SLIT2: variants seen among roughly 807,000 people sequenced by gnomAD.
The protein encoded by SLIT2 is slit guidance ligand 2, also known as slit homolog 2 protein.
Under a neutral mutation model 185.7 loss-of-function variants are expected in SLIT2, and 41 were observed. That is an observed-to-expected ratio of 0.22 (90% CI 0.17 to 0.29). SLIT2 has a LOEUF of 0.29. Ranked by LOEUF, SLIT2 falls within the 10% of genes least tolerant of loss-of-function variation. The probability of loss-of-function intolerance (pLI) is 1.00; values close to 1 mark genes in which losing one functional copy is unlikely to be tolerated. For missense variants in SLIT2, 1,571 were observed against 1,909.0 expected (o/e 0.82, Z 3.30); for synonymous variants, 693 against 680.2 (o/e 1.02, Z -0.29).
At chr4:20,389,944 C>T (rs1488815360) in intron 4 of SLIT2, among the ~76,000 whole-genome samples, 1 of 152,078 alleles carries the variant, frequency 6.6e-6, no homozygotes, top group Non-Finnish European at 1.5e-5. Context: ...TAAATACTCT[C>T]CTTGCTTACA....
chr4:20,489,901 A>G (rs1030335356), intron 8 of SLIT2: 1 of 152,196 alleles, frequency 6.6e-6, no homozygotes, highest in Non-Finnish European at 1.5e-5. Context: ...ATCCTGGGTA[A>G]CATGGTGAAA....
At chr4:20,411,634 A>G (rs916240399) in intron 4 of SLIT2, among the ~76,000 whole-genome samples, 1 of 152,200 alleles carries the variant, frequency 6.6e-6, no homozygotes, top group African/African-American at 2.4e-5. Context: ...GGTCACTTAC[A>G]TATTAGTCTG....
At chr4:20,578,640 A>T (rs1726266980) in intron 29 of SLIT2, among the ~76,000 whole-genome samples, 1 of 152,178 alleles carries the variant, frequency 6.6e-6, no homozygotes, top group Non-Finnish European at 1.5e-5. Flanking sequence ...TTTCAAAGAG[A>T]GAAGAAGCTA....
intron 7 of SLIT2, among the ~76,000 whole-genome samples, chr4:20,487,422 A>C (rs1166162789): frequency 6.6e-6 from 1 of 152,210 alleles, no homozygotes; most frequent in Admixed American, 6.5e-5. Flanking sequence ...AACAAAGCCA[A>C]TGAAATTGTA....
At chr4:20,376,028 A>AT (rs2109329867) in intron 4 of SLIT2, among the ~76,000 whole-genome samples, 1 of 151,732 alleles carries the variant, frequency 6.6e-6, no homozygotes, top group African/African-American at 2.4e-5. Flanking sequence ...CAATAGACCC[A>AT]TTATATGTTA....
chr4:20,564,098 G>A (rs1302370689), intron 26 of SLIT2, among the ~76,000 whole-genome samples: 1 of 151,652 alleles, frequency 6.6e-6, no homozygotes, highest in Non-Finnish European at 1.5e-5. Context: ...ACTTTATTTG[G>A]CATCTCTTTT....
At position 20,488,996 on chromosome 4, in the gene SLIT2, A is replaced by G; in HGVS notation, c.775+14A>G. The G allele has an allele frequency of 1.3e-6, 2 of 1,598,710 alleles. No homozygotes were observed. Among genetic ancestry groups the G allele is most frequent in the Non-Finnish European group, 1.7e-6 (2 of 1,168,596 alleles). On this transcript the variant is annotated intron_variant, in intron 8 of 36. Coordinates refer to ENST00000504154, the MANE Select transcript of SLIT2 (RefSeq NM_004787.4). ...TTGTCTGCAGTGGTAAGGGAGAAGG[A>G]AGAGTGATGTTATTGTGTTTATTGT... is the stretch of plus-strand genomic sequence containing the variant.
chr4:20,539,541 G>A lies in SLIT2; in HGVS notation c.1933G>A (p.Val645Ile). 6.2e-7 allele frequency: 1 copy of A among 1,612,812 alleles called. No homozygotes were observed. Among genetic ancestry groups the A allele is most frequent in the Non-Finnish European group, 8.5e-7 (1 of 1,179,048 alleles). ...LSLYDNQITTVAPGAFDTLHS... is the reference protein window; with the variant it reads ...LSLYDNQITTIAPGAFDTLHS... ...TTTGTATGATAATCAAATTACTACA[G>A]TTGCACCAGGGGCATTTGATACTCT... The change falls in exon 19 of 37, where the codon GTT (valine) becomes ATT (isoleucine). Residue 645 changes from valine (V) to isoleucine (I), a missense_variant. Physicochemically the swap from Val to Ile is conservative, Grantham distance 29 (BLOSUM62 3). Transcript: ENST00000504154.
At position 20,553,987 on chromosome 4, in the gene SLIT2, T is replaced by C; in HGVS notation, c.2725+19T>C. The C allele has an allele frequency of 6.4e-7, 1 of 1,552,760 alleles. No homozygotes were observed. Among genetic ancestry groups the C allele is most frequent in the Non-Finnish European group, 8.7e-7 (1 of 1,152,676 alleles). On this transcript the variant is annotated intron_variant, in intron 26 of 36. Coordinates refer to ENST00000504154, the MANE Select transcript of SLIT2 (RefSeq NM_004787.4). ...TGTCAAGGTATGGTTTTTAATCATT[T>C]GTATTTCTTTTAAGAATTACTATAT...
chr4:20,279,945 A>G (rs1472420968), intron 4 of SLIT2, among the ~76,000 whole-genome samples: 3 of 152,156 alleles, frequency 2.0e-5, no homozygotes, highest in Admixed American at 2.0e-4. Flanking sequence ...TTTTGATGAA[A>G]TAGTTGGAAA....
intron 4 of SLIT2, among the ~76,000 whole-genome samples, chr4:20,381,925 A>G (rs1179704412): frequency 1.3e-5 from 2 of 152,062 alleles, no homozygotes; most frequent in South Asian, 2.1e-4. Flanking sequence ...GTATAAATAC[A>G]TATGTATTTA....
intron 4 of SLIT2, among the ~76,000 whole-genome samples, chr4:20,288,037 A>G (rs915490363): frequency 1.6e-4 from 25 of 151,930 alleles, no homozygotes; most frequent in African/African-American, 5.1e-4. Flanking sequence ...TAAACAGCCT[A>G]TATAGTTGCA....
intron 4 of SLIT2, among the ~76,000 whole-genome samples, chr4:20,387,184 C>T (rs1000576196): frequency 6.6e-6 from 1 of 152,116 alleles, no homozygotes; most frequent in Non-Finnish European, 1.5e-5. Context: ...TAGAGCAGTA[C>T]TTAACCTTTA....
chr4:20,266,181 GA>G (rs951484286), intron 3 of SLIT2, among the ~76,000 whole-genome samples: 174 of 142,310 alleles, frequency 1.2e-3, no homozygotes, highest in East Asian at 4.4e-3. Flanking sequence ...TAATAATTAA[GA>G]AAAAAAAAAA....
At chr4:20,444,594 A>T (rs1303470911) in intron 4 of SLIT2, among the ~76,000 whole-genome samples, 1 of 152,202 alleles carries the variant, frequency 6.6e-6, no homozygotes, top group Non-Finnish European at 1.5e-5. Context: ...GTATCACAGT[A>T]TTCATTTTAG....
chr4:20,492,965 C>T (rs1560472843), intron 9 of SLIT2, among the ~76,000 whole-genome samples: 2 of 152,120 alleles, frequency 1.3e-5, no homozygotes, highest in African/African-American at 4.8e-5. Flanking sequence ...ATTCTAGACT[C>T]TGTGAAGATT....
chr4:20,546,268 A>G (rs1289946924), intron 22 of SLIT2, among the ~76,000 whole-genome samples, 169 bp downstream of exon 22: 2 of 152,126 alleles, frequency 1.3e-5, no homozygotes, highest in Non-Finnish European at 2.9e-5. Context: ...TTCATTGAAT[A>G]TCGATCAGGC....
chr4:20,565,856 A>T (rs752764743), intron 26 of SLIT2, among the ~76,000 whole-genome samples: 3 of 152,008 alleles, frequency 2.0e-5, no homozygotes, highest in Non-Finnish European at 4.4e-5. Context: ...TTTTTAATCG[A>T]TAGGAAAGCT....
At chr4:20,354,898 T>TGAGAGA (rs1295039840) in intron 4 of SLIT2, among the ~76,000 whole-genome samples, 88 of 124,152 alleles carry the variant, frequency 7.1e-4, no homozygotes, top group African/African-American at 2.7e-3. Flanking sequence ...TGTGTGTGTG[T>TGAGAGA]GTGTGTGTGA....
Sources: allele counts gnomAD v4.1 joint callset (sites outside exome capture counted in the v4.1 genomes callset), GRCh38; gene constraint gnomAD v4.1.1; transcripts MANE v1.5; gene names NCBI Gene and HGNC (gene_info 2026-07-23, HGNC 2026-07-21).